BCOR: variants seen among roughly 807,000 people sequenced by gnomAD.
The protein encoded by BCOR is BCL-6 corepressor.
A neutral mutation model predicts 86.7 loss-of-function variants in BCOR; 10 were observed. The ratio of observed to expected loss-of-function variants is 0.12; its 90% CI spans 0.07 to 0.20. The LOEUF is 0.20. Ranked by LOEUF, BCOR falls within the 10% of genes least tolerant of loss-of-function variation. The pLI, the probability that BCOR is intolerant of heterozygous loss-of-function variation, is 1.00. For synonymous variants in BCOR, 611 were observed against 609.0 expected (o/e 1.00, Z -0.05); for missense variants, 1,259 against 1,452.1 (o/e 0.87, Z 2.16).
intron 6 of BCOR, among the ~76,000 whole-genome samples, chrX:40,067,281 C>T (rs1935249970): frequency 8.9e-6 from 1 of 111,889 alleles, no homozygotes; most frequent in African/African-American, 3.3e-5. Flanking sequence ...TGCTAGGGAG[C>T]ACCCCCATTA....
At chrX:40,107,705 C>T (rs1006418022) in intron 1 of BCOR, among the ~76,000 whole-genome samples, 2 of 113,130 alleles carry the variant, frequency 1.8e-5, no homozygotes, top group East Asian at 5.6e-4. Context: ...GCCTCCTGAC[C>T]AGTGCCAGCC....
At chrX:40,168,414 T>C (rs775023525) in intron 1 of BCOR, among the ~76,000 whole-genome samples, 2 of 112,446 alleles carry the variant, frequency 1.8e-5, no homozygotes, top group East Asian at 2.8e-4. Flanking sequence ...CACTGGCGAA[T>C]TGGCGGCGGC....
At chrX:40,136,797 T>C (rs1188938044) in intron 1 of BCOR, among the ~76,000 whole-genome samples, 4 of 111,833 alleles carry the variant, frequency 3.6e-5, no homozygotes, top group Non-Finnish European at 5.6e-5. Context: ...CTAAGCAAAG[T>C]TGAGGAAGAA....
intron 6 of BCOR, among the ~76,000 whole-genome samples, chrX:40,065,684 C>G (rs770866236): frequency 9.8e-5 from 11 of 112,318 alleles, no homozygotes; most frequent in Admixed American, 6.6e-4. Context: ...TAAATGATAA[C>G]TACTTAATGA....
rs1935540739 is a variant in BCOR at position 40,072,759 on chromosome X, T to C, written c.2587A>G (p.Ser863Gly). Residue 863 changes from serine to glycine, a missense_variant, in exon 4 of 15, where the codon AGT becomes GGT. This residue lies in a region of BCOR where 534 missense variants were observed against 594.8 expected (regional missense o/e 0.90). Transcript: ENST00000378444. The stretch of plus-strand genomic sequence containing the variant: ...AAAGTATAAGTTTCGTGGAAGTCAC[T>C]GATGCGCCCCAACTCCTCTCTCAGG... Reference protein sequence around the residue: ...IALREELGRISDFHETYTFKQ... With the variant: ...IALREELGRIGDFHETYTFKQ... 3 of 1,210,089 alleles carry C rather than the reference T, an allele frequency of 2.5e-6. No homozygotes were observed. The African/African-American group carries it at 5.3e-5, about 21-fold the overall frequency.
intron 1 of BCOR, among the ~76,000 whole-genome samples, chrX:40,094,730 C>G (rs1458728864): frequency 8.9e-6 from 1 of 112,531 alleles, no homozygotes; most frequent in Non-Finnish European, 1.9e-5. Context: ...AGGCGCCGCA[C>G]GCAACGCGCC....
chrX:40,174,201 T>C (rs1248364425), intron 1 of BCOR, among the ~76,000 whole-genome samples: 2 of 112,736 alleles, frequency 1.8e-5, no homozygotes, highest in Non-Finnish European at 1.9e-5. Flanking sequence ...GTGCTGGCAG[T>C]GCGCTCTAGC....
chrX:40,054,147 T>C, intron 13 of BCOR, 105 bp from the exon 14 acceptor site: 2 of 1,100,544 alleles, frequency 1.8e-6, no homozygotes, highest in East Asian at 3.1e-5. Context: ...CTTTCCCAAG[T>C]GAGTCCTGCT....
At chrX:40,162,064 CAAAG>C (rs1057474509) in intron 1 of BCOR, among the ~76,000 whole-genome samples, 1 of 111,444 alleles carries the variant, frequency 9.0e-6, no homozygotes, top group African/African-American at 3.3e-5. Flanking sequence ...GGTAACAAAA[CAAAG>C]AGAGTGTATA....
intron 1 of BCOR, among the ~76,000 whole-genome samples, chrX:40,094,395 C>G (rs1936758158): frequency 8.9e-6 from 1 of 112,810 alleles, no homozygotes; most frequent in African/African-American, 3.2e-5. Context: ...ACCCGGGGAG[C>G]GTGACGGTGC....
rs998155347 is a variant in BCOR, at chrX:40,106,283, A to G, written c.-40-28314T>C. 2.3e-3 allele frequency among the ~76,000 whole-genome samples: 257 copies of G among 109,483 alleles called. 1 individual carries two copies. The highest frequency in any genetic ancestry group is 3.6e-3 in the Admixed American group (38 of 10,557). On this transcript the variant is annotated intron_variant, in intron 1 of 14. Transcript: ENST00000342274. Reference sequence around the variant, plus strand: ...GCCAGCGGGAGCCGAGCGAGTGCACAGAGAAAAGCCTCCCTACTCTAATGA... The same window carrying G: ...GCCAGCGGGAGCCGAGCGAGTGCACGGAGAAAAGCCTCCCTACTCTAATGA...
Position 40,072,946 on chromosome X carries a change from G to A in BCOR, c.2400C>T (p.Ser800=), listed in dbSNP as rs1400543272. 1.7e-6 allele frequency: 2 copies of A among 1,211,583 alleles called. No homozygotes were observed. Among genetic ancestry groups the A allele is most frequent in the South Asian group, 3.5e-5 (2 of 56,945 alleles). The change falls in exon 4 of 15, where the codon AGC becomes AGT. Residue 800 remains serine (S), a synonymous_variant. Transcript: ENST00000378444. The stretch of plus-strand genomic sequence containing the variant: ...GAAGGTCTACGTAGACAAGCTTGTC[G>A]CTTTTGACAACAGTCTTCCCTTGAT... ...NWNQGKTVVK[S]DKLVYVDLLR...
At chrX:40,096,504 T>C (rs779691396) in intron 1 of BCOR, among the ~76,000 whole-genome samples, 1 of 102,287 alleles carries the variant, frequency 9.8e-6, no homozygotes, top group African/African-American at 4.4e-5. Context: ...CTCTGCTCGA[T>C]TTCTTAGTAG....
At chrX:40,154,956 A>ACACGCGCGCACACACACACACG (rs1228271798) in intron 1 of BCOR, among the ~76,000 whole-genome samples, 1 of 111,905 alleles carries the variant, frequency 8.9e-6, no homozygotes, top group Non-Finnish European at 1.9e-5. Context: ...GTAATCGTGG[A>ACACGCGCGCACACACACACACG]CACGCGCGCA....
At chrX:40,170,878 C>T (rs1294744959) in intron 1 of BCOR, among the ~76,000 whole-genome samples, 24 of 112,402 alleles carry the variant, frequency 2.1e-4, no homozygotes, top group African/African-American at 7.1e-4. Flanking sequence ...GTTTTCTAAT[C>T]AGCAAGTCAC....
intron 1 of BCOR, among the ~76,000 whole-genome samples, chrX:40,171,391 G>T (rs977905848): frequency 2.7e-5 from 3 of 111,999 alleles, no homozygotes; most frequent in African/African-American, 9.7e-5. Context: ...CTCTGGCCGC[G>T]CCGGAAGTGT....
At chrX:40,064,023 A>G (rs1202091647) in intron 7 of BCOR, 71 bp from the exon 8 acceptor site, 10 of 341,256 alleles carry the variant, frequency 2.9e-5, no homozygotes, top group Middle Eastern at 7.1e-4. Flanking sequence ...ACGCATCACT[A>G]ATGGGGTGGG....
chrX:40,163,964 C>T lies in BCOR; in HGVS notation c.-41+13043G>A, dbSNP rs539322014. 4.5e-4 allele frequency among the ~76,000 whole-genome samples: 47 copies of T among 105,384 alleles called. No homozygotes were observed. The South Asian group carries it at 0.02, about 44-fold the overall frequency. 91.5% of individuals were successfully genotyped at this position (105,384 alleles called of 115,157 possible). A position where few individuals can be genotyped will look rare whatever the true frequency, so the allele number is the denominator to read the frequency against. On this transcript the variant is annotated intron_variant, in intron 1 of 14. Transcript: ENST00000342274. ...TCTTGAACCTGGAAGGCGGAGGTTGCGGTGAGCCGAGATGGTGCCACTGCA... is the reference window on the plus strand; with the variant it reads ...TCTTGAACCTGGAAGGCGGAGGTTGTGGTGAGCCGAGATGGTGCCACTGCA...
intron 1 of BCOR, among the ~76,000 whole-genome samples, chrX:40,168,998 G>A (rs1938564758): frequency 8.9e-6 from 1 of 112,606 alleles, no homozygotes; most frequent in Non-Finnish European, 1.9e-5. Flanking sequence ...AACCCGAGTG[G>A]GGTTCCAAGG....
Sources: allele counts gnomAD v4.1 joint callset (sites outside exome capture counted in the v4.1 genomes callset), GRCh38; gene constraint gnomAD v4.1.1; regional missense constraint gnomAD v4.1.1; transcripts MANE v1.5; gene names NCBI Gene and HGNC (gene_info 2026-07-23, HGNC 2026-07-21).